Variants in PAX5 observed in about 807,000 individuals in gnomAD.
The protein encoded by PAX5 is paired box protein Pax-5.
In PAX5, 9 loss-of-function variants were observed where a neutral mutation model predicts 43.7. That is an observed-to-expected ratio of 0.21 (90% CI 0.12 to 0.36). PAX5 has a LOEUF of 0.36. PAX5 is among the 10% of genes least tolerant of loss of function. PAX5 has a pLI of 1.00. For synonymous variants in PAX5, 228 were observed against 214.3 expected (o/e 1.06, Z -0.56); for missense variants, 383 against 532.7 (o/e 0.72, Z 2.77).
Position 37,034,037 on chromosome 9 carries a change from T to C in PAX5, c.-6A>G, listed in dbSNP as rs1387029282. ...TAATTTTTCTCTAAATCCATTTTGA[T>C]TTTTCAGGACTTGATGGAATGGACA... is the stretch of plus-strand genomic sequence containing the variant. On this transcript the variant is annotated 5_prime_UTR_variant, in exon 1 of 10. Coordinates refer to ENST00000358127, the MANE Select transcript of PAX5 (RefSeq NM_016734.3). The C allele has an allele frequency of 6.2e-7, 1 of 1,602,624 alleles. No individual in the cohort carries two copies. Among genetic ancestry groups the C allele is most frequent in the Non-Finnish European group, 8.5e-7 (1 of 1,171,896 alleles).
intron 6 of PAX5, among the ~76,000 whole-genome samples, chr9:36,927,712 C>CTTTT (rs113477748): frequency 1.4e-5 from 2 of 142,082 alleles, no homozygotes; most frequent in African/African-American, 2.6e-5. Context: ...TTTTCTTTTT[C>CTTTT]TTTTTTTTTT....
intron 8 of PAX5, among the ~76,000 whole-genome samples, chr9:36,867,607 C>G (rs1825026322): frequency 6.6e-6 from 1 of 152,212 alleles, no homozygotes; most frequent in Non-Finnish European, 1.5e-5. Context: ...GAAACCCTGC[C>G]CTGGCAGGAC....
intron 7 of PAX5, among the ~76,000 whole-genome samples, chr9:36,900,193 G>C (rs774384257): frequency 6.6e-6 from 1 of 152,236 alleles, no homozygotes; most frequent in Non-Finnish European, 1.5e-5. Context: ...CCTCCCTTGC[G>C]TGAGGGTGCA....
At chr9:36,950,473 A>G (rs535460148) in intron 6 of PAX5, among the ~76,000 whole-genome samples, 113 of 152,238 alleles carry the variant, frequency 7.4e-4, no homozygotes, top group African/African-American at 2.6e-3. Context: ...TGACACTTGA[A>G]ACCCCTCCTC....
intron 7 of PAX5, among the ~76,000 whole-genome samples, chr9:36,901,653 G>C (rs1042912907): frequency 2.6e-5 from 4 of 152,100 alleles, no homozygotes; most frequent in Non-Finnish European, 2.9e-5. Flanking sequence ...GGGGGGTCTG[G>C]GATTGGAGCC....
intron 5 of PAX5, among the ~76,000 whole-genome samples, chr9:36,980,908 G>C (rs985591293): frequency 1.3e-5 from 2 of 152,098 alleles, no homozygotes; most frequent in African/African-American, 4.8e-5. Context: ...CAGCTTACTA[G>C]GCTTTACTGG....
chr9:36,908,890 C>A (rs962411694), intron 7 of PAX5, among the ~76,000 whole-genome samples: 1 of 152,184 alleles, frequency 6.6e-6, no homozygotes, highest in African/African-American at 2.4e-5. Flanking sequence ...GTACTTTCCA[C>A]TGAAATTATT....
At chr9:36,943,529 T>TTC (rs35815065) in intron 6 of PAX5, among the ~76,000 whole-genome samples, 31,312 of 145,952 alleles carry the variant, frequency 0.21, 3,477 homozygotes, top group Non-Finnish European at 0.22. Context: ...TAGTTCAACA[T>TTC]ACACACACAC....
intron 5 of PAX5, among the ~76,000 whole-genome samples, chr9:36,985,539 C>T (rs1054476853): frequency 1.2e-4 from 19 of 152,128 alleles, no homozygotes; most frequent in Admixed American, 4.6e-4. Flanking sequence ...GAATGGGAGA[C>T]GACTTCTGCC....
intron 8 of PAX5, among the ~76,000 whole-genome samples, chr9:36,848,207 C>G (rs1359147158): frequency 1.3e-5 from 2 of 152,136 alleles, no homozygotes; most frequent in Non-Finnish European, 2.9e-5. Flanking sequence ...TGCTCTCTCT[C>G]CTACAACCCA....
At chr9:36,872,211 G>T (rs962909852) in intron 8 of PAX5, among the ~76,000 whole-genome samples, 2 of 152,128 alleles carry the variant, frequency 1.3e-5, no homozygotes, top group Non-Finnish European at 2.9e-5. Context: ...TTCTCCTTCA[G>T]TCCAGCCCTT....
chr9:36,921,472 G>A (rs1197615532), intron 7 of PAX5, among the ~76,000 whole-genome samples: 1 of 152,188 alleles, frequency 6.6e-6, no homozygotes, highest in African/African-American at 2.4e-5. Context: ...ATGGCCAGCA[G>A]CACGGGCCCT....
chr9:36,919,797 G>A lies in PAX5; in HGVS notation c.910+3558C>T, dbSNP rs544716596. ...AGAGGTTGCAGTGAGCCCAGATCAT[G>A]CCACTGCACTCCAGCCTGGGCAACA... On this transcript the variant is annotated intron_variant, in intron 7 of 9. Coordinates refer to ENST00000358127, the MANE Select transcript of PAX5 (RefSeq NM_016734.3). Among the ~76,000 whole-genome samples the A allele has an allele frequency of 9.4e-5, 12 of 127,296 alleles. No individual in the cohort carries two copies. In the East Asian group the frequency reaches 2.8e-3, roughly 30 times the overall value. The allele number at this position is 127,296 out of a possible 152,430, so 83.5% of individuals were successfully genotyped here.
At chr9:37,026,639 G>A (rs1452648067) in intron 1 of PAX5, 33 of 1,351,210 alleles carry the variant, frequency 2.4e-5, no homozygotes, top group Non-Finnish European at 3.2e-5. Context: ...GGCTGCCCAG[G>A]GCGGATAGGG....
intron 5 of PAX5, among the ~76,000 whole-genome samples, chr9:36,993,947 G>C (rs1487940546): frequency 4.6e-5 from 7 of 152,196 alleles, no homozygotes; most frequent in Admixed American, 3.3e-4. Context: ...GGTAAGAGGA[G>C]GGGGAGGGGC....
At chr9:36,868,181 G>A (rs896527299) in intron 8 of PAX5, among the ~76,000 whole-genome samples, 2 of 152,248 alleles carry the variant, frequency 1.3e-5, no homozygotes, top group East Asian at 1.9e-4. Context: ...AAGGACTGGG[G>A]GCGTGCCAGT....
intron 1 of PAX5, among the ~76,000 whole-genome samples, chr9:37,028,020 C>G (rs1840612164): frequency 6.6e-6 from 1 of 152,238 alleles, no homozygotes; most frequent in Non-Finnish European, 1.5e-5. Context: ...CCCACGCGGG[C>G]TGGACCTCCC....
At chr9:37,031,478 G>A (rs1037039202) in intron 1 of PAX5, among the ~76,000 whole-genome samples, 4 of 152,128 alleles carry the variant, frequency 2.6e-5, no homozygotes, top group Admixed American at 2.6e-4. Context: ...AGGTCTGCCC[G>A]GATCTAAGGA....
chr9:36,969,890 T>A (rs1398070593), intron 5 of PAX5, among the ~76,000 whole-genome samples: 1 of 152,236 alleles, frequency 6.6e-6, no homozygotes, highest in Non-Finnish European at 1.5e-5. Context: ...ATAATGGCAA[T>A]AGTGTCTGTC....
Sources: gnomAD v4.1 joint callset for allele counts (sites outside exome capture counted in the v4.1 genomes callset) on GRCh38, gnomAD v4.1.1 for gene constraint, MANE v1.5 for transcripts, NCBI Gene and HGNC (gene_info 2026-07-23, HGNC 2026-07-21) for gene names.